RARB: variants seen among roughly 807,000 people sequenced by gnomAD.
The protein encoded by RARB is HBV-activated protein.
Under a neutral mutation model 51.9 loss-of-function variants are expected in RARB, and 17 were observed. The observed-to-expected ratio is 0.33, with a 90% CI of 0.22 to 0.49. RARB has a LOEUF of 0.49. Ranked by LOEUF, RARB falls within the 20% of genes least tolerant of loss-of-function variation. The probability of loss-of-function intolerance (pLI) is 0.99; values close to 1 mark genes in which losing one functional copy is unlikely to be tolerated. For synonymous variants in RARB, 215 were observed against 195.4 expected (o/e 1.10, Z -0.84); for missense variants, 369 against 550.8 (o/e 0.67, Z 3.30).
rs535721659 is a variant in RARB, at chr3:24,879,321, C to T, written c.-380+20569C>T. Among the ~76,000 whole-genome samples, 103 of 151,812 alleles carry T rather than the reference C, an allele frequency of 6.8e-4. 1 individual carries two copies. The highest frequency in any genetic ancestry group is 6.8e-3 in the Middle Eastern group (2 of 294). ...GCGGGCGCCTGTAGTCCCAGCTACT[C>T]GGGAGGCTGAGGCAGGAGAATGGCG... On this transcript the variant is annotated intron_variant, in intron 2 of 11. Coordinates refer to the RARB transcript ENST00000383772.
intron 5 of RARB, among the ~76,000 whole-genome samples, chr3:25,200,656 A>T (rs981645111): frequency 2.0e-5 from 3 of 152,150 alleles, no homozygotes; most frequent in Admixed American, 6.5e-5. Context: ...AGCTTTCTAC[A>T]TATGGCTAGC....
intron 5 of RARB, among the ~76,000 whole-genome samples, chr3:25,273,785 C>T (rs1703309436): frequency 6.6e-6 from 1 of 152,242 alleles, no homozygotes; most frequent in Admixed American, 6.5e-5. Flanking sequence ...ACAGATATTT[C>T]ACTTCCTCAG....
intron 2 of RARB, among the ~76,000 whole-genome samples, chr3:24,932,673 G>A (rs556560537): frequency 6.6e-6 from 1 of 152,114 alleles, no homozygotes; most frequent in Admixed American, 6.6e-5. Context: ...AAAACTGAGG[G>A]CCAATAGCAT....
At chr3:24,932,330 G>T (rs1695458027) in intron 2 of RARB, among the ~76,000 whole-genome samples, 1 of 151,784 alleles carries the variant, frequency 6.6e-6, no homozygotes, top group African/African-American at 2.4e-5. Context: ...ACCAGAATGG[G>T]GGATCTGGGA....
chr3:24,920,128 T>C (rs1443611301), intron 2 of RARB, among the ~76,000 whole-genome samples: 1 of 152,224 alleles, frequency 6.6e-6, no homozygotes, highest in Non-Finnish European at 1.5e-5. Flanking sequence ...GTGAGCTAGC[T>C]GTTAACCAAG....
At chr3:25,525,512 T>C (rs1292752147) in intron 3 of RARB, among the ~76,000 whole-genome samples, 1 of 152,166 alleles carries the variant, frequency 6.6e-6, no homozygotes, top group Non-Finnish European at 1.5e-5. Flanking sequence ...ATGAATTGAC[T>C]CATTCATTTA....
In RARB at chr3:25,235,789, C is replaced by T. The variant is rs1169196836; in HGVS notation, c.178+61214C>T. ...TAAAACCCCTTCTTTGACTATTACTCACTTTTGTTTTGTGCATTAAAATAG... is the reference window on the plus strand; with the variant it reads ...TAAAACCCCTTCTTTGACTATTACTTACTTTTGTTTTGTGCATTAAAATAG... On this transcript the variant is annotated intron_variant, in intron 5 of 11. Transcript: ENST00000383772. Among the ~76,000 whole-genome samples the T allele has an allele frequency of 3.3e-5, 5 of 152,242 alleles. No homozygotes were observed. The South Asian group carries it at 1.0e-3, about 32-fold the overall frequency.
intron 2 of RARB, among the ~76,000 whole-genome samples, chr3:24,994,316 T>TTTGA (rs1476426953): frequency 6.6e-6 from 1 of 151,794 alleles, no homozygotes; most frequent in East Asian, 1.9e-4. Context: ...TTGAGAAATG[T>TTTGA]TCGGATTACG....
chr3:25,094,486 G>T (rs1203910104), intron 3 of RARB, among the ~76,000 whole-genome samples: 28 of 152,050 alleles, frequency 1.8e-4, no homozygotes, highest in Admixed American at 1.8e-3. Context: ...GGAGGCCAAG[G>T]TGGGTGGATC....
chr3:24,935,218 G>A (rs373901902), intron 2 of RARB, among the ~76,000 whole-genome samples: 5 of 151,948 alleles, frequency 3.3e-5, no homozygotes, highest in Admixed American at 6.6e-5. Context: ...GCTTTGTTAC[G>A]TTTAGGTATA....
chr3:24,835,072 A>G (rs1181834354), intron 1 of RARB, among the ~76,000 whole-genome samples: 1 of 152,098 alleles, frequency 6.6e-6, no homozygotes, highest in Non-Finnish European at 1.5e-5. Context: ...ATAAGCAAAA[A>G]CAAACAAAAT....
intron 3 of RARB, among the ~76,000 whole-genome samples, chr3:25,123,430 C>G (rs1384009016): frequency 1.3e-5 from 2 of 152,218 alleles, no homozygotes; most frequent in South Asian, 2.1e-4. Flanking sequence ...GTGCCAGTAA[C>G]TACACCCAGT....
intron 2 of RARB, among the ~76,000 whole-genome samples, chr3:25,495,470 A>G (rs1696976707): frequency 6.6e-6 from 1 of 152,244 alleles, no homozygotes; most frequent in African/African-American, 2.4e-5. Context: ...AATAGGAATG[A>G]TTGGAAACAG....
chr3:25,034,194 C>T (rs973659543), intron 2 of RARB, among the ~76,000 whole-genome samples: 4 of 152,132 alleles, frequency 2.6e-5, no homozygotes, highest in African/African-American at 7.2e-5. Flanking sequence ...CCTGTAATCC[C>T]GGCTACTCAG....
intron 3 of RARB, among the ~76,000 whole-genome samples, chr3:25,520,647 G>A (rs1698362768): frequency 6.6e-6 from 1 of 152,192 alleles, no homozygotes; most frequent in South Asian, 2.1e-4. Context: ...CAGAAGAGGA[G>A]AGAGAAAAAT....
At chr3:25,212,140 G>A (rs749708238) in intron 5 of RARB, among the ~76,000 whole-genome samples, 2 of 151,916 alleles carry the variant, frequency 1.3e-5, no homozygotes, top group Non-Finnish European at 2.9e-5. Context: ...ACCAGCAATG[G>A]GTTGTGATTA....
At chr3:25,273,148 A>C (rs1703293119) in intron 5 of RARB, among the ~76,000 whole-genome samples, 1 of 152,166 alleles carries the variant, frequency 6.6e-6, no homozygotes, top group African/African-American at 2.4e-5. Context: ...CTAAACACTG[A>C]GTTTAGAGTC....
At position 25,552,076 on chromosome 3, in the gene RARB, G is replaced by A. The variant is rs958282882; in HGVS notation, c.449-17682G>A. On this transcript the variant is annotated intron_variant, in intron 3 of 7. Transcript: ENST00000330688. Reference sequence around the variant, plus strand: ...TTTAAATAAACCTGGTTATGAACAAGAGCCCTGGGATGAGACAGCAAAGCC... The same window carrying A: ...TTTAAATAAACCTGGTTATGAACAAAAGCCCTGGGATGAGACAGCAAAGCC... Among the ~76,000 whole-genome samples the A allele has an allele frequency of 3.3e-5, 5 of 152,078 alleles. No individual in the cohort carries two copies. In the South Asian group the frequency reaches 8.3e-4, roughly 25 times the overall value.
intron 3 of RARB, among the ~76,000 whole-genome samples, chr3:25,099,314 T>C (rs1699356075): frequency 6.6e-6 from 1 of 152,068 alleles, no homozygotes; most frequent in South Asian, 2.1e-4. Context: ...ACAGACTTAT[T>C]GAGGACATTT....
Sources: gnomAD v4.1 joint callset for allele counts (sites outside exome capture counted in the v4.1 genomes callset) on GRCh38, gnomAD v4.1.1 for gene constraint, MANE v1.5 for transcripts, NCBI Gene and HGNC (gene_info 2026-07-23, HGNC 2026-07-21) for gene names.